The following SNX29 variants were observed in gnomAD, a reference collection of about 807,000 sequenced individuals.
SNX29 encodes sorting nexin 29.
SNX29 carries 78 observed loss-of-function variants against 102.1 expected under a neutral mutation model. The ratio of observed to expected loss-of-function variants is 0.76; its 90% CI spans 0.64 to 0.92. SNX29 has a LOEUF of 0.92. Among genes scored for constraint, SNX29 ranks in the 40% least tolerant of loss-of-function variants. The pLI, the probability that SNX29 is intolerant of heterozygous loss-of-function variation, is 0.00. For missense variants in SNX29, 1,280 were observed against 1,061.7 expected (o/e 1.21, Z -2.86); for synonymous variants, 580 against 414.5 (o/e 1.40, Z -4.85).
chr16:12,228,853 G>T (rs1046925141), intron 14 of SNX29, among the ~76,000 whole-genome samples: 4 of 152,256 alleles, frequency 2.6e-5, no homozygotes, highest in Admixed American at 6.5e-5. Flanking sequence ...GGCGAGTCAA[G>T]AGCCAGAGGG....
chr16:12,524,567 C>G, intron 19 of SNX29, 135 bp from the exon 20 acceptor site: 1 of 911,454 alleles, frequency 1.1e-6, no homozygotes, highest in Non-Finnish European at 1.6e-6. Context: ...GGCTTAGGGA[C>G]CATTCATACG....
intron 15 of SNX29, among the ~76,000 whole-genome samples, chr16:12,313,972 C>T (rs980063414): frequency 6.6e-6 from 1 of 152,214 alleles, no homozygotes; most frequent in Admixed American, 6.5e-5. Flanking sequence ...GCTAATCATT[C>T]TTTTGCTTAT....
chr16:12,338,942 C>G (rs2081532543), intron 15 of SNX29, among the ~76,000 whole-genome samples: 1 of 152,204 alleles, frequency 6.6e-6, no homozygotes, highest in Admixed American at 6.5e-5. Flanking sequence ...CTTAGAGTCC[C>G]CCAGATTAGG....
intron 16 of SNX29, among the ~76,000 whole-genome samples, chr16:12,389,216 G>A (rs1444714965): frequency 6.6e-6 from 1 of 152,116 alleles, no homozygotes; most frequent in Admixed American, 6.5e-5. Context: ...CAGTTTCCCT[G>A]GCTGTTAAAT....
chr16:12,453,307 C>G (rs907040516), intron 18 of SNX29, among the ~76,000 whole-genome samples: 32 of 152,246 alleles, frequency 2.1e-4, no homozygotes, highest in African/African-American at 7.2e-4. Flanking sequence ...CCATCTTCCC[C>G]AGGCAACCAC....
intron 15 of SNX29, among the ~76,000 whole-genome samples, chr16:12,286,604 C>T (rs532614169): frequency 6.6e-6 from 1 of 152,126 alleles, no homozygotes; most frequent in Non-Finnish European, 1.5e-5. Context: ...CTTGGCCTCC[C>T]AAAGTGCTGG....
intron 15 of SNX29, among the ~76,000 whole-genome samples, chr16:12,330,781 A>G (rs1036889334): frequency 7.9e-5 from 12 of 152,114 alleles, no homozygotes; most frequent in African/African-American, 2.7e-4. Context: ...CCTGGATTCT[A>G]TTTGGTCACT....
At chr16:12,442,916 C>T in intron 18 of SNX29, 3 of 422,474 alleles carry the variant, frequency 7.1e-6, no homozygotes, top group Admixed American at 2.8e-5. Flanking sequence ...ACTTTTTTTT[C>T]TGGTTTGACA....
chr16:12,568,109 G>C (rs933992781), intron 20 of SNX29, among the ~76,000 whole-genome samples: 1 of 152,166 alleles, frequency 6.6e-6, no homozygotes, highest in Non-Finnish European at 1.5e-5. Flanking sequence ...TACGCATCTT[G>C]TGTGGCTTTA....
At chr16:12,358,795 T>C (rs1196921392) in intron 16 of SNX29, among the ~76,000 whole-genome samples, 2 of 152,234 alleles carry the variant, frequency 1.3e-5, no homozygotes, top group Non-Finnish European at 2.9e-5. Context: ...TATCCAGTGA[T>C]GTCTCCATAA....
intron 15 of SNX29, among the ~76,000 whole-genome samples, chr16:12,335,267 A>T (rs1376401350): frequency 2.0e-5 from 3 of 152,102 alleles, no homozygotes; most frequent in Admixed American, 2.0e-4. Flanking sequence ...AGTCATCCAG[A>T]CTTGGAAAAG....
intron 16 of SNX29, among the ~76,000 whole-genome samples, chr16:12,362,899 A>G (rs991974824): frequency 1.3e-5 from 2 of 152,120 alleles, no homozygotes; most frequent in African/African-American, 4.8e-5. Context: ...AGTGATTCAC[A>G]TGGTAGGTGT....
At chr16:12,399,180 A>G (rs1338773586) in intron 17 of SNX29, among the ~76,000 whole-genome samples, 2 of 152,050 alleles carry the variant, frequency 1.3e-5, no homozygotes, top group Non-Finnish European at 2.9e-5. Context: ...CCTTCCAAGT[A>G]GCTGGGATTA....
intron 13 of SNX29, among the ~76,000 whole-genome samples, chr16:12,183,395 G>A (rs79643115): frequency 0.018 from 2,737 of 151,656 alleles, 82 homozygotes; most frequent in African/African-American, 0.063. Flanking sequence ...TGTACCTACC[G>A]TCCACCTAGA....
chr16:12,097,141 T>C (rs1270464832), intron 11 of SNX29, among the ~76,000 whole-genome samples: 2 of 152,328 alleles, frequency 1.3e-5, no homozygotes, highest in South Asian at 2.1e-4. Flanking sequence ...TGAGGAAGCA[T>C]TGGTGATGGT....
chr16:12,370,296 C>G (rs565666503), intron 16 of SNX29, among the ~76,000 whole-genome samples: 13 of 151,786 alleles, frequency 8.6e-5, no homozygotes, highest in Admixed American at 8.5e-4. Flanking sequence ...TGCGGTGGCT[C>G]ACACCTGTAA....
chr16:11,997,709 T>C (rs1011176671), intron 1 of SNX29, among the ~76,000 whole-genome samples: 6 of 152,034 alleles, frequency 3.9e-5, no homozygotes, highest in African/African-American at 1.4e-4. Context: ...AAACTCCTGA[T>C]GTCAAGCAAT....
At chr16:11,985,648 T>G (rs2055590928) in intron 1 of SNX29, among the ~76,000 whole-genome samples, 2 of 152,112 alleles carry the variant, frequency 1.3e-5, no homozygotes, top group African/African-American at 4.8e-5. Context: ...ATAAGTCTAG[T>G]CTGGAGCCTG....
At chr16:12,312,259 C>G (rs922484354) in intron 15 of SNX29, among the ~76,000 whole-genome samples, 1 of 152,240 alleles carries the variant, frequency 6.6e-6, no homozygotes, top group South Asian at 2.1e-4. Flanking sequence ...CCCTGCACTT[C>G]CATCTAGCAC....
Sources: allele counts gnomAD v4.1 joint callset (sites outside exome capture counted in the v4.1 genomes callset), GRCh38; gene constraint gnomAD v4.1.1; transcripts MANE v1.5; gene names NCBI Gene and HGNC (gene_info 2026-07-23, HGNC 2026-07-21).